DNAI3: variants seen among roughly 807,000 people sequenced by gnomAD.
The protein encoded by DNAI3 is dynein axonemal intermediate chain 3.
Under a neutral mutation model 115.5 loss-of-function variants are expected in DNAI3, and 83 were observed. The ratio of observed to expected loss-of-function variants is 0.72; its 90% CI spans 0.60 to 0.86. The LOEUF is 0.86. DNAI3 is among the 40% of genes least tolerant of loss of function. DNAI3 has a pLI of 0.00. For synonymous variants in DNAI3, 320 were observed against 347.0 expected, an observed-to-expected ratio of 0.92 and a Z score of 0.86; for missense variants, 1,004 against 1,075.8, an observed-to-expected ratio of 0.93 and a Z score of 0.93.
intron 8 of DNAI3, among the ~76,000 whole-genome samples, chr1:85,092,332 C>G (rs1655002893): frequency 1.3e-5 from 2 of 152,076 alleles, no homozygotes; most frequent in African/African-American, 2.4e-5. Context: ...AAACGGTGCC[C>G]TTTTTTATAT....
At chr1:85,106,669 C>T (rs543582439) in intron 14 of DNAI3, among the ~76,000 whole-genome samples, 59 of 152,260 alleles carry the variant, frequency 3.9e-4, no homozygotes, top group African/African-American at 1.3e-3. Context: ...TGTACTAGAA[C>T]TAGCATAACA....
At chr1:85,100,171 C>G (rs1655248380) in intron 13 of DNAI3, among the ~76,000 whole-genome samples, 1 of 152,152 alleles carries the variant, frequency 6.6e-6, no homozygotes, top group Admixed American at 6.6e-5. Flanking sequence ...AAACTACCAT[C>G]AGAGTGAACA....
intron 16 of DNAI3, among the ~76,000 whole-genome samples, chr1:85,112,031 T>A (rs1030545060): frequency 6.6e-6 from 1 of 151,620 alleles, no homozygotes; most frequent in Non-Finnish European, 1.5e-5. Flanking sequence ...ATCTAGAATT[T>A]TATGTAAATC....
chr1:85,068,192 A>G (rs1026780883), intron 1 of DNAI3, among the ~76,000 whole-genome samples: 8 of 152,246 alleles, frequency 5.3e-5, no homozygotes, highest in Middle Eastern at 3.4e-3. Flanking sequence ...GAAAGAAAAT[A>G]CAATCCCCAT....
At chr1:85,064,876 A>G (rs550705329) in intron 1 of DNAI3, among the ~76,000 whole-genome samples, 1 of 152,116 alleles carries the variant, frequency 6.6e-6, no homozygotes, top group Non-Finnish European at 1.5e-5. Flanking sequence ...CTACTAAAAA[A>G]TAAAAAATTA....
At chr1:85,064,726 C>G (rs1330448411) in intron 1 of DNAI3, among the ~76,000 whole-genome samples, 1 of 151,904 alleles carries the variant, frequency 6.6e-6, no homozygotes, top group Non-Finnish European at 1.5e-5. Context: ...GAAGCCAGAC[C>G]TCACCTCTTA....
chr1:85,105,892 C>A (rs1045629185), intron 14 of DNAI3, among the ~76,000 whole-genome samples: 4 of 152,170 alleles, frequency 2.6e-5, no homozygotes, highest in Non-Finnish European at 2.9e-5. Context: ...TGACAGAGCA[C>A]CTTGAGTGAC....
chr1:85,099,899 T>A (rs1655238311), intron 13 of DNAI3, among the ~76,000 whole-genome samples: 1 of 152,100 alleles, frequency 6.6e-6, no homozygotes, highest in Non-Finnish European at 1.5e-5. Context: ...TAAATGGTGC[T>A]GGGAAAACTG....
At chr1:85,087,878 TAACAGGTTAA>T (rs907613436) in intron 7 of DNAI3, among the ~76,000 whole-genome samples, 2 of 152,060 alleles carry the variant, frequency 1.3e-5, no homozygotes, top group African/African-American at 4.8e-5. Context: ...CTATGTGAAC[TAACAGGTTAA>T]AAACCATGAA....
chr1:85,093,854 C>T (rs1202500291), intron 9 of DNAI3: 14 of 688,852 alleles, frequency 2.0e-5, no homozygotes, highest in Middle Eastern at 4.7e-4. Context: ...GTCATTATCT[C>T]TGTTTCACAA....
At chr1:85,114,148 G>C (rs1360824126) in intron 16 of DNAI3, among the ~76,000 whole-genome samples, 1 of 151,560 alleles carries the variant, frequency 6.6e-6, no homozygotes, top group Non-Finnish European at 1.5e-5. Flanking sequence ...GAGTAGCTGG[G>C]ACCACAGGCA....
At chr1:85,101,308 G>C (rs1204129913) in intron 13 of DNAI3, among the ~76,000 whole-genome samples, 7 of 152,102 alleles carry the variant, frequency 4.6e-5, no homozygotes, top group Non-Finnish European at 1.0e-4. Context: ...TATAGTTTCT[G>C]TGATATGTTA....
In DNAI3 at chr1:85,095,931, T is replaced by C. The variant is rs1157660969; in HGVS notation, c.1174T>C (p.Leu392=). 1.2e-6 allele frequency: 2 copies of C among 1,613,752 alleles called. No individual in the cohort carries two copies. The highest frequency in any genetic ancestry group is 1.7e-6 in the Non-Finnish European group (2 of 1,179,690). ...WSFSDPIHPQ[L]MLESPDDIFC... is the part of the protein sequence containing the mutation. Reference sequence around the variant, plus strand: ...CATGAATTTGCTGGGTTTACTTTAGTTAATGCTGGAGAGCCCAGATGACAT... The same window carrying C: ...CATGAATTTGCTGGGTTTACTTTAGCTAATGCTGGAGAGCCCAGATGACAT... The change falls in exon 11 of 23, where the codon TTA becomes CTA. Residue 392 remains leucine, a splice_region_variant and synonymous_variant. Coordinates refer to ENST00000294664, the MANE Select transcript of DNAI3 (RefSeq NM_145172.5).
intron 13 of DNAI3, among the ~76,000 whole-genome samples, chr1:85,104,115 A>T (rs912723006): frequency 2.0e-5 from 3 of 146,368 alleles, no homozygotes; most frequent in Non-Finnish European, 4.5e-5. Flanking sequence ...AGATAGTGGT[A>T]TGTCCTTTTT....
chr1:85,112,060 T>A (rs961392414), intron 16 of DNAI3, among the ~76,000 whole-genome samples: 5 of 152,040 alleles, frequency 3.3e-5, no homozygotes, highest in Non-Finnish European at 7.4e-5. Context: ...TATACTCTTT[T>A]TTTTTTTAAG....
intron 3 of DNAI3, among the ~76,000 whole-genome samples, chr1:85,078,301 A>G (rs1214533904): frequency 6.6e-6 from 1 of 152,228 alleles, no homozygotes; most frequent in Admixed American, 6.5e-5. Context: ...AAATGGAGAC[A>G]AATATAGTAA....
chr1:85,130,740 G>A (rs1463553960), intron 22 of DNAI3, among the ~76,000 whole-genome samples: 3 of 152,154 alleles, frequency 2.0e-5, no homozygotes, highest in African/African-American at 7.2e-5. Context: ...AGGGGGTAGA[G>A]AGAAAGAGGT....
chr1:85,090,448 T>G (rs1654938402), intron 8 of DNAI3, among the ~76,000 whole-genome samples: 1 of 152,190 alleles, frequency 6.6e-6, no homozygotes, highest in African/African-American at 2.4e-5. Context: ...CATCAAACTG[T>G]GTGAGGAGTT....
In DNAI3 at chr1:85,093,652, A is replaced by T; in HGVS notation, c.1048+4A>T. 1 of 1,613,688 alleles carries T rather than the reference A, an allele frequency of 6.2e-7. No individual in the cohort carries two copies. The highest frequency in any genetic ancestry group is 8.5e-7 in the Non-Finnish European group (1 of 1,179,578). Reference sequence around the variant, plus strand: ...TCATGGCATCCAACTATCTATGGTGAGATGGAAATGATGGGGATTCCCTTT... The same window carrying T: ...TCATGGCATCCAACTATCTATGGTGTGATGGAAATGATGGGGATTCCCTTT... On this transcript the variant is annotated splice_donor_region_variant and intron_variant, in intron 9 of 22. Transcript: ENST00000294664.
Sources: allele counts gnomAD v4.1 joint callset (sites outside exome capture counted in the v4.1 genomes callset), GRCh38; gene constraint gnomAD v4.1.1; transcripts MANE v1.5; gene names NCBI Gene and HGNC (gene_info 2026-07-23, HGNC 2026-07-21).